KPNA1: variants seen among roughly 807,000 people sequenced by gnomAD.
KPNA1 encodes the protein importin subunit alpha-5.
A neutral mutation model predicts 70.5 loss-of-function variants in KPNA1; 10 were observed. The ratio of observed to expected loss-of-function variants is 0.14; its 90% CI spans 0.09 to 0.24. KPNA1 has a LOEUF of 0.24. KPNA1 is among the 10% of genes least tolerant of loss of function. The pLI is 1.00. For missense variants in KPNA1, 397 were observed against 637.9 expected, an observed-to-expected ratio of 0.62 and a Z score of 4.07; for synonymous variants, 192 against 221.9, an observed-to-expected ratio of 0.87 and a Z score of 1.20.
chr3:122,438,390 GT>G (rs762256049), intron 10 of KPNA1, among the ~76,000 whole-genome samples: 97 of 138,686 alleles, frequency 7.0e-4, no homozygotes, highest in African/African-American at 7.3e-4. Flanking sequence ...TTTCTTTTTT[GT>G]TTTTTTTTTT....
At chr3:122,453,568 C>T (rs1267217411) in intron 6 of KPNA1, among the ~76,000 whole-genome samples, 1 of 151,882 alleles carries the variant, frequency 6.6e-6, no homozygotes, top group Non-Finnish European at 1.5e-5. Context: ...CAAAGTCTTG[C>T]TCTCGTCACC....
At chr3:122,486,684 T>G (rs552088833) in intron 2 of KPNA1, among the ~76,000 whole-genome samples, 1 of 152,010 alleles carries the variant, frequency 6.6e-6, no homozygotes, top group Non-Finnish European at 1.5e-5. Flanking sequence ...ACCTCCCAGG[T>G]TCACGCCATT....
chr3:122,451,275 C>T (rs948537682), intron 8 of KPNA1, among the ~76,000 whole-genome samples: 1 of 152,166 alleles, frequency 6.6e-6, no homozygotes, highest in African/African-American at 2.4e-5. Context: ...TTTCAATAAG[C>T]TTTACAAATT....
At chr3:122,498,538 C>T (rs7650187) in intron 1 of KPNA1, among the ~76,000 whole-genome samples, 148,881 of 152,302 alleles carry the variant, frequency 0.98, 72,863 homozygotes, top group East Asian at 1. Flanking sequence ...CAGCACCTTG[C>T]TGACAACCAG....
At chr3:122,460,951 G>T (rs2076317378) in intron 5 of KPNA1, among the ~76,000 whole-genome samples, 1 of 152,010 alleles carries the variant, frequency 6.6e-6, no homozygotes, top group Admixed American at 6.6e-5. Flanking sequence ...GGCTGTAATG[G>T]CTCCTCTGCT....
chr3:122,495,728 A>C (rs1445984839), intron 2 of KPNA1, among the ~76,000 whole-genome samples: 53 of 67,722 alleles, frequency 7.8e-4, no homozygotes, highest in African/African-American at 2.2e-3. Context: ...CTCCTTAGCA[A>C]AAAAAAAAAA....
At chr3:122,448,843 C>T (rs1334452678) in intron 9 of KPNA1, among the ~76,000 whole-genome samples, 1 of 152,102 alleles carries the variant, frequency 6.6e-6, no homozygotes. Context: ...TGATGTACTT[C>T]AGACTCCTGC....
chr3:122,478,172 A>AAAAAAAAAG (rs1553790080), intron 2 of KPNA1, among the ~76,000 whole-genome samples: 1 of 148,284 alleles, frequency 6.7e-6, no homozygotes. Flanking sequence ...AAAAAAAAAA[A>AAAAAAAAAG]AAAAGAAAAG....
intron 2 of KPNA1, among the ~76,000 whole-genome samples, chr3:122,493,994 C>T (rs1043793721): frequency 6.6e-6 from 1 of 152,078 alleles, no homozygotes; most frequent in Non-Finnish European, 1.5e-5. Flanking sequence ...CCTGTGCCCA[C>T]GTTTTAATGG....
At chr3:122,472,725 A>G (rs753457957) in intron 2 of KPNA1, among the ~76,000 whole-genome samples, 6 of 152,230 alleles carry the variant, frequency 3.9e-5, no homozygotes, top group Non-Finnish European at 8.8e-5. Context: ...CAAACTCCTA[A>G]TATCAGAACT....
chr3:122,462,230 A>G (rs1283551403), intron 4 of KPNA1, among the ~76,000 whole-genome samples: 1 of 152,198 alleles, frequency 6.6e-6, no homozygotes, highest in African/African-American at 2.4e-5. Flanking sequence ...CAACAACAAA[A>G]AAAAACAGAA....
At chr3:122,480,317 T>C (rs1318326400) in intron 2 of KPNA1, among the ~76,000 whole-genome samples, 1 of 152,144 alleles carries the variant, frequency 6.6e-6, no homozygotes, top group East Asian at 1.9e-4. Flanking sequence ...TCATTAATTA[T>C]AGCAAATGTA....
chr3:122,471,059 A>C (rs953998428), intron 2 of KPNA1, among the ~76,000 whole-genome samples: 1 of 152,136 alleles, frequency 6.6e-6, no homozygotes, highest in African/African-American at 2.4e-5. Flanking sequence ...GGGGAATGTT[A>C]ATTTCCTAGT....
chr3:122,496,344 A>ACACACACACACACC lies in KPNA1; in HGVS notation c.129+92_129+93insGGTGTGTGTGTGTG, dbSNP rs1429340895. On this transcript the variant is annotated intron_variant, in intron 2 of 13. Transcript: ENST00000344337. ...AACACACACACACACACACACACAC[A>ACACACACACACACC]CACACCCCAACTTTGCTAAAATGAA... 1.7e-5 allele frequency: 20 copies of ACACACACACACACC among 1,160,672 alleles called. No homozygotes were observed. In the African/African-American group the frequency reaches 2.0e-4, roughly 12 times the overall value. 71.9% of individuals were successfully genotyped at this position (1,160,672 alleles called of 1,614,324 possible).
At chr3:122,431,473 T>G (rs1014100456) in intron 12 of KPNA1, among the ~76,000 whole-genome samples, 1 of 152,168 alleles carries the variant, frequency 6.6e-6, no homozygotes, top group African/African-American at 2.4e-5. Flanking sequence ...TTTCCTAAAA[T>G]ATTCTAATTG....
chr3:122,429,446 CAAAAAA>C (rs57991855), intron 12 of KPNA1, among the ~76,000 whole-genome samples: 18 of 58,782 alleles, frequency 3.1e-4, no homozygotes, highest in African/African-American at 6.6e-4. Flanking sequence ...AACTCTGTCT[CAAAAAA>C]AAAAAAAAAA....
intron 9 of KPNA1, among the ~76,000 whole-genome samples, chr3:122,443,464 C>A (rs2076092829): frequency 1.3e-5 from 2 of 152,198 alleles, no homozygotes; most frequent in South Asian, 4.1e-4. Context: ...GTTCTCCCAG[C>A]ATGGTGTTTG....
intron 6 of KPNA1, among the ~76,000 whole-genome samples, chr3:122,452,717 AGGAGGGAAGGAGAGAC>A (rs1256424153): frequency 0.02 from 2,168 of 110,282 alleles, 63 homozygotes; most frequent in African/African-American, 0.061. Context: ...GACGGAGGGA[AGGAGGGAAGGAGAGAC>A]GGAGGGAAGG....
Position 122,482,791 on chromosome 3 carries a change from TG to T in KPNA1, c.129+13645del, listed in dbSNP as rs2076586171. Among the ~76,000 whole-genome samples the T allele has an allele frequency of 1.3e-5, 2 of 152,158 alleles. 1 individual carries two copies. Among genetic ancestry groups the T allele is most frequent in the South Asian group, 4.1e-4 (2 of 4,836 alleles). On this transcript the variant is annotated intron_variant, in intron 2 of 13. Coordinates refer to ENST00000344337, the MANE Select transcript of KPNA1 (RefSeq NM_002264.4). Reference sequence around the variant, plus strand: ...AAAAATCTGACAAAAGATAAAAATCTGTAAGACCTATACACCAAAAACTACA... The same window carrying T: ...AAAAATCTGACAAAAGATAAAAATCTTAAGACCTATACACCAAAAACTACA...
Sources: gnomAD v4.1 joint callset for allele counts (sites outside exome capture counted in the v4.1 genomes callset) on GRCh38, gnomAD v4.1.1 for gene constraint, MANE v1.5 for transcripts, NCBI Gene and HGNC (gene_info 2026-07-23, HGNC 2026-07-21) for gene names.